WNK3: variants seen among roughly 807,000 people sequenced by gnomAD.
The protein encoded by WNK3 is WNK lysine deficient protein kinase 3, also known as serine/threonine-protein kinase WNK3.
In WNK3, 18 loss-of-function variants were observed where a neutral mutation model predicts 116.7. The ratio of observed to expected loss-of-function variants is 0.15; its 90% confidence interval spans 0.11 to 0.23. WNK3 has a LOEUF of 0.23. WNK3 is among the 10% of genes least tolerant of loss of function. The pLI is 1.00. For missense variants in WNK3, 993 were observed against 1,323.8 expected, an observed-to-expected ratio of 0.75 and a Z score of 3.88; for synonymous variants, 404 against 469.4, an observed-to-expected ratio of 0.86 and a Z score of 1.80.
intron 20 of WNK3, 60 bp from the exon 21 acceptor site, chrX:54,233,080 G>C: frequency 1.1e-6 from 1 of 937,305 alleles, no homozygotes. Flanking sequence ...GATGAGCCAA[G>C]AAACTCTAAA....
chrX:54,245,745 C>T (rs1342918935), intron 17 of WNK3, among the ~76,000 whole-genome samples: 5 of 111,681 alleles, frequency 4.5e-5, no homozygotes, highest in African/African-American at 1.6e-4. Flanking sequence ...TTTCCTGTTA[C>T]CAATAATCAA....
In WNK3 at chrX:54,293,336, A is replaced by G. The variant is rs782056773; in HGVS notation, c.1694-9T>C. 3.4e-6 allele frequency: 4 copies of G among 1,178,751 alleles called. No homozygotes were observed. Among genetic ancestry groups the G allele is most frequent in the East Asian group, 6.0e-5 (2 of 33,546 alleles). Reference sequence around the variant, plus strand: ...CTCAGACAAATTGTCACCTATAAAAAAAGAAAATAAGTAACAGGTAGAAGG... The same window carrying G: ...CTCAGACAAATTGTCACCTATAAAAGAAGAAAATAAGTAACAGGTAGAAGG... On this transcript the variant is annotated splice_polypyrimidine_tract_variant and intron_variant, in intron 8 of 23. Transcript: ENST00000354646.
chrX:54,311,964 C>T (rs1260947029), intron 2 of WNK3, among the ~76,000 whole-genome samples: 4 of 111,019 alleles, frequency 3.6e-5, no homozygotes, highest in African/African-American at 1.3e-4. Context: ...CCACCCCATA[C>T]ACCGTCTCTG....
chrX:54,288,976 G>T (rs143875301), intron 10 of WNK3, among the ~76,000 whole-genome samples: 196 of 111,829 alleles, frequency 1.8e-3, no homozygotes, highest in South Asian at 9.6e-3. Context: ...TGCATGTTCA[G>T]TTATCTGGAT....
chrX:54,305,078 G>A (rs909069493), intron 5 of WNK3, among the ~76,000 whole-genome samples: 2 of 110,479 alleles, frequency 1.8e-5, no homozygotes, highest in South Asian at 7.7e-4. Context: ...TTGAACCCAG[G>A]AGGCAGAGGT....
intron 10 of WNK3, among the ~76,000 whole-genome samples, chrX:54,288,567 G>A (rs1158318758): frequency 1.8e-5 from 2 of 111,219 alleles, no homozygotes; most frequent in Non-Finnish European, 3.8e-5. Context: ...CTGGATCTGT[G>A]CCTGTGAAGA....
intron 13 of WNK3, among the ~76,000 whole-genome samples, chrX:54,253,045 T>G (rs2146944491): frequency 9.0e-6 from 1 of 110,569 alleles, no homozygotes; most frequent in South Asian, 3.8e-4. Context: ...TGCAAGATGT[T>G]AGATCAGTGA....
intron 17 of WNK3, among the ~76,000 whole-genome samples, chrX:54,248,132 GGAGGCT>G (rs2068091180): frequency 9.1e-6 from 1 of 109,401 alleles, no homozygotes; most frequent in East Asian, 2.9e-4. Context: ...CAGCTACTCA[GGAGGCT>G]GAGGCAGGAG....
chrX:54,325,073 C>A (rs1324262183), intron 2 of WNK3, among the ~76,000 whole-genome samples: 1 of 111,684 alleles, frequency 9.0e-6, no homozygotes, highest in Admixed American at 9.6e-5. Flanking sequence ...ACTTCCACTG[C>A]ATTGCTTTGA....
chrX:54,208,027 C>T (rs2146721326), intron 22 of WNK3, among the ~76,000 whole-genome samples: 1 of 111,155 alleles, frequency 9.0e-6, no homozygotes, highest in African/African-American at 3.3e-5. Flanking sequence ...AGTTACTTAA[C>T]CTCACTAACC....
At chrX:54,198,001 A>T (rs1465397957) in exon 24 of WNK3, 2 of 160,854 alleles carry the variant, frequency 1.2e-5, no homozygotes, top group East Asian at 1.3e-4. Context: ...TCAACAATTC[A>T]TGGAAAGTGT....
At chrX:54,277,401 G>A (rs1465914150) in intron 10 of WNK3, among the ~76,000 whole-genome samples, 1 of 107,578 alleles carries the variant, frequency 9.3e-6, no homozygotes, top group South Asian at 4.1e-4. Context: ...GAGGTGGTAC[G>A]ATCTCGGCTC....
chrX:54,347,759 CAT>C (rs2147329031), intron 1 of WNK3, among the ~76,000 whole-genome samples: 1 of 106,048 alleles, frequency 9.4e-6, no homozygotes, highest in South Asian at 4.0e-4. Context: ...TATATATACA[CAT>C]GTACATATAC....
intron 1 of WNK3, among the ~76,000 whole-genome samples, chrX:54,336,133 C>T (rs1347504703): frequency 2.7e-5 from 3 of 111,279 alleles, no homozygotes; most frequent in Admixed American, 9.6e-5. Flanking sequence ...CTATAAAATA[C>T]AAAAAATTAA....
chrX:54,337,237 A>AT (rs1458315310), intron 1 of WNK3, among the ~76,000 whole-genome samples: 1 of 111,329 alleles, frequency 9.0e-6, no homozygotes. Context: ...AGCCTTCAAA[A>AT]TTTTTTTTAC....
At chrX:54,251,492 C>G in intron 14 of WNK3, 40 bp downstream of exon 14, 1 of 1,202,100 alleles carries the variant, frequency 8.3e-7, no homozygotes, top group Non-Finnish European at 1.1e-6. Context: ...GTTCCTGATT[C>G]ATATCTGAGA....
intron 22 of WNK3, among the ~76,000 whole-genome samples, chrX:54,227,235 T>C (rs958454916): frequency 1.4e-4 from 16 of 111,736 alleles, no homozygotes; most frequent in African/African-American, 4.6e-4. Context: ...TCATATGTCC[T>C]ATGTCCTTGG....
intron 22 of WNK3, among the ~76,000 whole-genome samples, chrX:54,214,205 A>T (rs1376466402): frequency 2.2e-5 from 2 of 89,758 alleles, no homozygotes; most frequent in Non-Finnish European, 4.0e-5. Context: ...CTGGTCTCAA[A>T]CTCCTGACCT....
rs1347171630 is a variant in WNK3 at position 54,218,712 on chromosome X, TGC to T, written c.4870+10000_4870+10001del. On this transcript the variant is annotated intron_variant, in intron 22 of 23. Coordinates refer to ENST00000354646, the Ensembl canonical transcript of WNK3. ...CAGCCTGGCCAACATGGTGAAACCC[TGC>T]CTCTACTAAAAATACAAAAATTAGC... is the stretch of plus-strand genomic sequence containing the variant. Among the ~76,000 whole-genome samples, 4 of 109,730 alleles carry T rather than the reference TGC, an allele frequency of 3.6e-5. No individual in the cohort carries two copies. In the Admixed American group the frequency reaches 3.9e-4, roughly 11 times the overall value.
Sources: allele counts gnomAD v4.1 joint callset (sites outside exome capture counted in the v4.1 genomes callset), GRCh38; gene constraint gnomAD v4.1.1; transcripts MANE v1.5; gene names NCBI Gene and HGNC (gene_info 2026-07-23, HGNC 2026-07-21).